The following RAB11FIP2 variants were observed in gnomAD, a reference collection of about 807,000 sequenced individuals.
The protein encoded by RAB11FIP2 is rab11 family-interacting protein 2.
RAB11FIP2 carries 16 observed loss-of-function variants against 40.9 expected under a neutral mutation model. The observed-to-expected ratio is 0.39, with a 90% CI of 0.26 to 0.59. The LOEUF is 0.59. Ranked by LOEUF, RAB11FIP2 falls within the 20% of genes least tolerant of loss-of-function variation. The pLI is 0.53. For synonymous variants in RAB11FIP2, 228 were observed against 213.7 expected (o/e 1.07, Z -0.58); for missense variants, 532 against 606.2 (o/e 0.88, Z 1.28).
intron 3 of RAB11FIP2, among the ~76,000 whole-genome samples, chr10:118,024,259 C>A (rs1166822142): frequency 1.3e-5 from 2 of 151,984 alleles, no homozygotes; most frequent in African/African-American, 4.8e-5. Context: ...ATAAATCCAA[C>A]AACAAGCATA....
chr10:118,037,837 T>C (rs1004485474), intron 3 of RAB11FIP2, among the ~76,000 whole-genome samples: 1 of 152,038 alleles, frequency 6.6e-6, no homozygotes, highest in Admixed American at 6.6e-5. Flanking sequence ...ACTCCAAGGA[T>C]ACCAAAATCC....
At chr10:118,038,919 C>T (rs2133181455) in intron 3 of RAB11FIP2, 53 bp downstream of exon 3, 1 of 1,199,314 alleles carries the variant, frequency 8.3e-7, no homozygotes, top group Non-Finnish European at 1.2e-6. Flanking sequence ...TATTTGATAC[C>T]TTCAAGTACA....
chr10:118,019,289 T>A (rs927270163), intron 3 of RAB11FIP2, among the ~76,000 whole-genome samples: 1 of 152,188 alleles, frequency 6.6e-6, no homozygotes, highest in Non-Finnish European at 1.5e-5. Flanking sequence ...CCTTGACTCA[T>A]TTTGTATTTA....
intron 4 of RAB11FIP2, among the ~76,000 whole-genome samples, chr10:118,009,568 A>G (rs1218706983): frequency 5.9e-5 from 9 of 152,186 alleles, no homozygotes; most frequent in African/African-American, 2.2e-4. Flanking sequence ...AAAGATTTCT[A>G]AAAGTTAACT....
chr10:118,035,154 TGA>T (rs1846465578), intron 3 of RAB11FIP2, among the ~76,000 whole-genome samples: 2 of 152,170 alleles, frequency 1.3e-5, no homozygotes, highest in Admixed American at 1.3e-4. Flanking sequence ...GCCTGCTTCC[TGA>T]GAGACTGTGC....
chr10:118,006,294 G>C lies in RAB11FIP2; in HGVS notation c.*2704C>G, dbSNP rs1846089692. 1 of 152,552 alleles carries C rather than the reference G, an allele frequency of 6.6e-6. No homozygotes were observed. The highest frequency in any genetic ancestry group is 2.4e-5 in the African/African-American group (1 of 41,438). The allele number at this position is 152,552 out of a possible 1,614,324, so 9.4% of individuals were successfully genotyped here. ...ATGTAACAGAAGTACATTAGCTTAA[G>C]ATAGTCTTGAGATAAATATCAATTC... On this transcript the variant is annotated 3_prime_UTR_variant, in exon 5 of 5. Coordinates refer to ENST00000355624, the MANE Select transcript of RAB11FIP2 (RefSeq NM_014904.3).
chr10:118,037,008 T>C (rs1846489941), intron 3 of RAB11FIP2, among the ~76,000 whole-genome samples: 1 of 152,114 alleles, frequency 6.6e-6, no homozygotes, highest in Non-Finnish European at 1.5e-5. Context: ...TTCCTATCAT[T>C]TTCCATTTTC....
chr10:118,040,650 T>A, intron 1 of RAB11FIP2, 85 bp from the exon 2 acceptor site: 2 of 977,268 alleles, frequency 2.0e-6, no homozygotes, highest in African/African-American at 1.6e-5. Flanking sequence ...GCCTTTTAGG[T>A]AAAGTAACTA....
intron 1 of RAB11FIP2, chr10:118,045,559 T>C (rs1403305816): frequency 2.4e-6 from 1 of 418,548 alleles, no homozygotes; most frequent in Non-Finnish European, 4.3e-6. Flanking sequence ...TTACTTAAAA[T>C]CCACCACAAA....
intron 4 of RAB11FIP2, among the ~76,000 whole-genome samples, chr10:118,014,647 C>CT (rs1846195029): frequency 6.6e-6 from 1 of 152,128 alleles, no homozygotes; most frequent in Admixed American, 6.5e-5. Flanking sequence ...TGCCAGGATG[C>CT]TTTTCTATTG....
intron 3 of RAB11FIP2, among the ~76,000 whole-genome samples, chr10:118,027,042 A>G (rs1419232241): frequency 6.6e-6 from 1 of 152,104 alleles, no homozygotes; most frequent in Non-Finnish European, 1.5e-5. Context: ...AATTCCACCT[A>G]ATTTATTTAA....
At chr10:118,019,022 A>T (rs546140253) in intron 3 of RAB11FIP2, among the ~76,000 whole-genome samples, 2 of 146,146 alleles carry the variant, frequency 1.4e-5, no homozygotes, top group South Asian at 2.2e-4. Flanking sequence ...TGCAAAGATT[A>T]AAAAAAAAAA....
intron 1 of RAB11FIP2, among the ~76,000 whole-genome samples, chr10:118,044,535 C>T (rs1410520620): frequency 1.3e-5 from 2 of 152,010 alleles, no homozygotes; most frequent in Non-Finnish European, 2.9e-5. Context: ...TTACATTTAA[C>T]TTTTTCTCTC....
intron 3 of RAB11FIP2, among the ~76,000 whole-genome samples, chr10:118,035,372 C>T (rs1846467966): frequency 1.3e-5 from 2 of 152,044 alleles, no homozygotes; most frequent in South Asian, 2.1e-4. Flanking sequence ...TTTTAGTAAT[C>T]CTTTAAAACT....
chr10:118,004,955 ATATAT>A lies in RAB11FIP2; in HGVS notation c.*4038_*4042del, dbSNP rs1449799329. 1.3e-5 allele frequency: 2 copies of A among 152,668 alleles called. No homozygotes were observed. Among genetic ancestry groups the A allele is most frequent in the East Asian group, 1.9e-4 (1 of 5,202 alleles). 9.5% of individuals were successfully genotyped at this position (152,668 alleles called of 1,614,324 possible). On this transcript the variant is annotated 3_prime_UTR_variant, in exon 5 of 5. Coordinates refer to ENST00000355624, the MANE Select transcript of RAB11FIP2 (RefSeq NM_014904.3). ...TTTAATCAACTATAAGTCAATAATCATATATTATATAAAAATTCTGATTCATGCAT... is the reference window on the plus strand; with the variant it reads ...TTTAATCAACTATAAGTCAATAATCATATATAAAAATTCTGATTCATGCAT...
chr10:118,014,428 A>G (rs1846191904), intron 4 of RAB11FIP2, among the ~76,000 whole-genome samples: 2 of 152,176 alleles, frequency 1.3e-5, no homozygotes, highest in Non-Finnish European at 2.9e-5. Context: ...TTGATTGCAG[A>G]TGCAATGGAA....
At chr10:118,013,690 T>C (rs1846182458) in intron 4 of RAB11FIP2, among the ~76,000 whole-genome samples, 2 of 152,066 alleles carry the variant, frequency 1.3e-5, no homozygotes, top group South Asian at 2.1e-4. Context: ...TTAGAATAGT[T>C]AGTATTCCAG....
chr10:118,015,010 A>T, intron 4 of RAB11FIP2, 55 bp downstream of exon 4: 1 of 1,461,092 alleles, frequency 6.8e-7, no homozygotes, highest in Non-Finnish European at 9.4e-7. Context: ...AATGTGTGCC[A>T]GAGAAAAAGA....
chr10:118,019,161 G>A (rs1846255353), intron 3 of RAB11FIP2, among the ~76,000 whole-genome samples: 2 of 152,084 alleles, frequency 1.3e-5, no homozygotes, highest in Admixed American at 1.3e-4. Context: ...AAGCTCTTTG[G>A]AGGGCATTTA....
Sources: allele counts gnomAD v4.1 joint callset (sites outside exome capture counted in the v4.1 genomes callset), GRCh38; gene constraint gnomAD v4.1.1; transcripts MANE v1.5; gene names NCBI Gene and HGNC (gene_info 2026-07-23, HGNC 2026-07-21).